Variants in UGGT1 observed in about 807,000 individuals in gnomAD.
UGGT1 encodes the protein UDP-glucose:glycoprotein glucosyltransferase 1.
A neutral mutation model predicts 203.9 loss-of-function variants in UGGT1; 107 were observed. That is an observed-to-expected ratio of 0.52 (90% CI 0.45 to 0.62). UGGT1 has a LOEUF of 0.62. Ranked by LOEUF, UGGT1 falls within the 20% of genes least tolerant of loss-of-function variation. The pLI, the probability that UGGT1 is intolerant of heterozygous loss-of-function variation, is 0.00. For missense variants in UGGT1, 1,673 were observed against 1,867.2 expected, an observed-to-expected ratio of 0.90 and a Z score of 1.92; for synonymous variants, 628 against 653.5, an observed-to-expected ratio of 0.96 and a Z score of 0.59.
chr2:128,109,652 C>G lies in UGGT1; in HGVS notation c.427C>G (p.Pro143Ala), dbSNP rs1172179610. Residue 143 changes from proline to alanine, a missense_variant, in exon 5 of 41, where the codon CCA becomes GCA. Pro to Ala is a conservative substitution (Grantham distance 27). Coordinates refer to ENST00000259253, the MANE Select transcript of UGGT1 (RefSeq NM_020120.4). ...AFQQIAADEP[P>A]PEGCNSFFSV... ...GTGACAGATAGCAGCTGATGAACCT[C>G]CACCAGAAGGATGTAATTCGTTTTT... The G allele has an allele frequency of 3.7e-6, 6 of 1,613,974 alleles. No individual in the cohort carries two copies. In the Admixed American group the frequency reaches 1.0e-4, roughly 27 times the overall value.
Position 128,161,322 on chromosome 2 carries a change from T to C in UGGT1, c.2825+54T>C, listed in dbSNP as rs73955963. ...GGGTTATATAATTGGACTTTCCTCATTGATCAGTTAGAATTATATGTTGTT... is the reference window on the plus strand; with the variant it reads ...GGGTTATATAATTGGACTTTCCTCACTGATCAGTTAGAATTATATGTTGTT... On this transcript the variant is annotated intron_variant, in intron 25 of 40. Coordinates refer to ENST00000259253, the MANE Select transcript of UGGT1 (RefSeq NM_020120.4). 9.2e-4 allele frequency: 1,454 copies of C among 1,588,286 alleles called. 10 individuals carry two copies. In the African/African-American group the frequency reaches 0.014, roughly 16 times the overall value.
chr2:128,140,406 C>T (rs1051457958), intron 16 of UGGT1: 1 of 152,558 alleles, frequency 6.6e-6, no homozygotes, highest in African/African-American at 2.4e-5. Context: ...TGATGCCATC[C>T]AACACCAGCA....
chr2:128,101,425 T>C (rs1558749352), intron 2 of UGGT1, among the ~76,000 whole-genome samples: 1 of 152,230 alleles, frequency 6.6e-6, no homozygotes, highest in Non-Finnish European at 1.5e-5. Flanking sequence ...AGCTTTGTGA[T>C]TGTCTATGAA....
chr2:128,172,460 G>T, intron 28 of UGGT1, 113 bp from the exon 29 acceptor site: 1 of 1,265,170 alleles, frequency 7.9e-7, no homozygotes, highest in Non-Finnish European at 1.1e-6. Flanking sequence ...AATCTGGAAG[G>T]GTACTCCTCC....
At chr2:128,095,411 T>G (rs1028994028) in intron 1 of UGGT1, among the ~76,000 whole-genome samples, 1 of 134,564 alleles carries the variant, frequency 7.4e-6, no homozygotes, top group Non-Finnish European at 1.6e-5. Flanking sequence ...CCCTTCCCCT[T>G]TACCTTCCCC....
chr2:128,105,050 AT>A (rs987559526), intron 3 of UGGT1, among the ~76,000 whole-genome samples: 2 of 149,554 alleles, frequency 1.3e-5, no homozygotes, highest in African/African-American at 4.9e-5. Flanking sequence ...TTTAATTATT[AT>A]TTTTTTAATA....
intron 7 of UGGT1, among the ~76,000 whole-genome samples, chr2:128,115,810 T>A (rs1688073822): frequency 6.6e-6 from 1 of 152,156 alleles, no homozygotes; most frequent in African/African-American, 2.4e-5. Flanking sequence ...AGATAAAAAA[T>A]CAATTTGAGT....
intron 1 of UGGT1, among the ~76,000 whole-genome samples, chr2:128,095,390 C>CCTTCCT (rs1407097110): frequency 1.2e-4 from 18 of 144,990 alleles, no homozygotes; most frequent in East Asian, 8.5e-4. Flanking sequence ...TTCCCCTTCC[C>CCTTCCT]CTTCTCCTTC....
At chr2:128,177,623 C>T (rs1691466238) in intron 32 of UGGT1, among the ~76,000 whole-genome samples, 1 of 152,186 alleles carries the variant, frequency 6.6e-6, no homozygotes, top group Admixed American at 6.5e-5. Flanking sequence ...AAAGAGGTTG[C>T]TGTCTCCTCA....
At chr2:128,112,957 G>A in intron 5 of UGGT1, 127 bp from the exon 6 acceptor site, 1 of 810,324 alleles carries the variant, frequency 1.2e-6, no homozygotes, top group Non-Finnish European at 1.8e-6. Context: ...TTAAGATCAT[G>A]CTACCCTTCA....
chr2:128,177,551 GCA>G (rs66520826), intron 32 of UGGT1, among the ~76,000 whole-genome samples: 19,738 of 152,184 alleles, frequency 0.13, 1,422 homozygotes, highest in Non-Finnish European at 0.16. Context: ...TGGTTTCACT[GCA>G]CAGTTGAGTT....
intron 38 of UGGT1, 43 bp from the exon 39 acceptor site, chr2:128,186,640 T>G: frequency 1.4e-6 from 2 of 1,477,564 alleles, no homozygotes; most frequent in Non-Finnish European, 1.9e-6. Context: ...CGCCAGAACT[T>G]TAGATACATG....
intron 18 of UGGT1, among the ~76,000 whole-genome samples, chr2:128,148,971 T>A (rs1450291459): frequency 6.6e-6 from 1 of 152,158 alleles, no homozygotes; most frequent in African/African-American, 2.4e-5. Context: ...GGCCATTGAT[T>A]TTCAAGGCTT....
At chr2:128,108,327 A>G (rs941133502) in intron 4 of UGGT1, among the ~76,000 whole-genome samples, 3 of 152,228 alleles carry the variant, frequency 2.0e-5, no homozygotes, top group Middle Eastern at 3.2e-3. Flanking sequence ...TGGGAGATGT[A>G]ATCTTGTTAA....
chr2:128,135,174 A>G (rs1385254535), intron 15 of UGGT1, among the ~76,000 whole-genome samples: 3 of 152,254 alleles, frequency 2.0e-5, no homozygotes, highest in Admixed American at 6.5e-5. Context: ...TGAATTATCA[A>G]TAAATAGCCC....
Position 128,123,225 on chromosome 2 carries a change from C to A in UGGT1, c.1113C>A (p.Thr371=), listed in dbSNP as rs750140391. 3 of 1,613,156 alleles carry A rather than the reference C, an allele frequency of 1.9e-6. No homozygotes were observed. In the Admixed American group the frequency reaches 5.0e-5, roughly 27 times the overall value. ...CAGCTGTGAGCTCAGAACTTAGAAC[C>A]GAAGTGGAAGAGAATCAGAAGGTAT... ...TKTAVSSELR[T]EVEENQKYFK... Residue 371 remains threonine, a synonymous_variant, in exon 11 of 41, where the codon ACC becomes ACA. Transcript: ENST00000259253.
Position 128,159,682 on chromosome 2 carries a change from C to T in UGGT1, c.2524C>T (p.Leu842=). The T allele has an allele frequency of 6.2e-7, 1 of 1,614,132 alleles. No homozygotes were observed. The highest frequency in any genetic ancestry group is 8.5e-7 in the Non-Finnish European group (1 of 1,180,028). The change falls in exon 23 of 41, where the codon CTG becomes TTG. Residue 842 remains leucine, a synonymous_variant. Transcript: ENST00000259253. ...GGCCAAGGAGGGGGCTGCAGAGGCC[C>T]TGGCTGCAGGAGCTGACATTGCGGA... The part of the protein sequence containing the change: ...KMAKEGAAEA[L]AAGADIAEFS...
Position 128,107,936 on chromosome 2 carries a change from A to T in UGGT1, c.278-2A>T. 1.2e-6 allele frequency: 2 copies of T among 1,614,118 alleles called. No individual in the cohort carries two copies. The highest frequency in any genetic ancestry group is 4.5e-5 in the East Asian group (2 of 44,874). On this transcript the variant is annotated splice_acceptor_variant, in intron 3 of 40. Coordinates refer to ENST00000259253, the MANE Select transcript of UGGT1 (RefSeq NM_020120.4). LOFTEE classifies it high-confidence loss of function. ...ACTTTGGTTAATGTTCTTCCTTGACAGGTACCGATTATTCCTACTATCATG... is the reference window on the plus strand; with the variant it reads ...ACTTTGGTTAATGTTCTTCCTTGACTGGTACCGATTATTCCTACTATCATG...
rs1558800979 is a variant in UGGT1, at chr2:128,155,577, G to A, written c.2226G>A (p.Leu742=). Residue 742 remains leucine (L), a synonymous_variant, in exon 20 of 41, where the codon CTG becomes CTA. Transcript: ENST00000259253. ...TAAVANSMNY[L]TKKGMSSKEI... ...CTGTAGCCAATAGTATGAACTATCT[G>A]ACAAAGAAAGGTAATCCATTTGAGG... The A allele has an allele frequency of 1.9e-6, 3 of 1,609,928 alleles. No individual in the cohort carries two copies. The highest frequency in any genetic ancestry group is 1.7e-6 in the Non-Finnish European group (2 of 1,178,506).
Sources: gnomAD v4.1 joint callset for allele counts (sites outside exome capture counted in the v4.1 genomes callset) on GRCh38, gnomAD v4.1.1 for gene constraint, MANE v1.5 for transcripts, NCBI Gene and HGNC (gene_info 2026-07-23, HGNC 2026-07-21) for gene names.